The following NLRP9 variants were observed in gnomAD, a reference collection of about 807,000 sequenced individuals.
NLRP9 encodes the protein NLR family pyrin domain containing 9.
In NLRP9, 88 loss-of-function variants were observed where a neutral mutation model predicts 83.1. The observed-to-expected ratio is 1.06, with a 90% CI of 0.89 to 1.26. The LOEUF is 1.26. Among genes scored for constraint, NLRP9 ranks in the 50% most tolerant of loss-of-function variants. NLRP9 has a pLI of 0.00. For synonymous variants in NLRP9, 521 were observed against 447.6 expected, an observed-to-expected ratio of 1.16 and a Z score of -2.07; for missense variants, 1,308 against 1,179.3, an observed-to-expected ratio of 1.11 and a Z score of -1.60.
intron 6 of NLRP9, among the ~76,000 whole-genome samples, chr19:55,714,756 G>A (rs112176464): frequency 0.035 from 5,320 of 152,130 alleles, 245 homozygotes; most frequent in African/African-American, 0.1. Context: ...AGTGTCTGGC[G>A]AGGGCCACGT....
rs1348388301 is a variant in NLRP9 at position 55,734,508 on chromosome 19, CAT to C, written c.281-960_281-959del. Among the ~76,000 whole-genome samples the C allele has an allele frequency of 1.6e-4, 20 of 127,514 alleles. 1 individual carries two copies. In the South Asian group the frequency reaches 2.4e-3, roughly 16 times the overall value. The allele number at this position is 127,514 out of a possible 152,430, so 83.7% of individuals were successfully genotyped here. A position where few individuals can be genotyped will look rare whatever the true frequency, so the allele number is the denominator to read the frequency against. On this transcript the variant is annotated intron_variant, in intron 1 of 8. Coordinates refer to ENST00000332836, the MANE Select transcript of NLRP9 (RefSeq NM_176820.4). ...GCAGGTCACCTGTCAGCAAAGTACA[CAT>C]ATATATACACACACACATATATATA... is the stretch of plus-strand genomic sequence containing the variant.
chr19:55,710,455 C>G (rs1987665805), intron 8 of NLRP9, among the ~76,000 whole-genome samples: 1 of 152,064 alleles, frequency 6.6e-6, no homozygotes, highest in African/African-American at 2.4e-5. Context: ...ATCTGTGTCC[C>G]CACCCAAATC....
intron 5 of NLRP9, 36 bp downstream of exon 5, chr19:55,716,692 G>C: frequency 6.3e-7 from 1 of 1,587,928 alleles, no homozygotes; most frequent in Non-Finnish European, 8.6e-7. Context: ...GCACGCTTCA[G>C]AAATCTCCGA....
intron 2 of NLRP9, 26 bp from the exon 3 acceptor site, chr19:55,730,018 C>G: frequency 6.3e-7 from 1 of 1,599,092 alleles, no homozygotes; most frequent in African/African-American, 1.3e-5. Flanking sequence ...GATTGTGATT[C>G]TCCAGTGGCT....
Position 55,732,047 on chromosome 19 carries a change from C to T in NLRP9, c.1784G>A (p.Arg595His), listed in dbSNP as rs186421191. 129 of 1,599,142 alleles carry T rather than the reference C, an allele frequency of 8.1e-5. No individual in the cohort carries two copies. In the East Asian group the frequency reaches 2.2e-3, roughly 27 times the overall value. The change falls in exon 2 of 9, where the codon CGC (arginine) becomes CAC (histidine). Residue 595 changes from arginine to histidine, a missense_variant. Transcript: ENST00000332836. Reference sequence around the variant, plus strand: ...TGGAAAGATATTCTCCACACACATGCGAAGTGTCGTTAAATGTTGACAATG... The same window carrying T: ...TGGAAAGATATTCTCCACACACATGTGAAGTGTCGTTAAATGTTGACAATG... ...LKHCQHLTTL[R>H]MCVENIFPDD...
intron 6 of NLRP9, among the ~76,000 whole-genome samples, chr19:55,713,617 CCT>C (rs1373131996): frequency 7.5e-6 from 1 of 133,700 alleles, no homozygotes; most frequent in Non-Finnish European, 1.6e-5. Flanking sequence ...CTCCCCTCTC[CCT>C]CTTACTCCCC....
At chr19:55,726,550 C>T (rs74707682) in intron 3 of NLRP9, among the ~76,000 whole-genome samples, 3,250 of 152,292 alleles carry the variant, frequency 0.021, 47 homozygotes, top group Non-Finnish European at 0.032. Flanking sequence ...GTCTGCCCTA[C>T]AACCCAAGGA....
chr19:55,711,810 G>A lies in NLRP9; in HGVS notation c.2833C>T (p.Gln945Ter). The stretch of plus-strand genomic sequence containing the variant: ...ACAGTGTCCACTCACCCCAGCATCT[G>A]CAGGGCACAGTCCGGGTGGCTCAAT... The part of the protein sequence containing the change: ...EALSHPDCAL[Q>*]MLGLHKSGFD... The change falls in exon 8 of 9, where the codon CAG becomes TAG. Residue 945 changes from glutamine to a stop codon, truncating the protein, a stop_gained. Coordinates refer to ENST00000332836, the MANE Select transcript of NLRP9 (RefSeq NM_176820.4). LOFTEE classifies it low-confidence loss of function (END_TRUNC). The A allele has an allele frequency of 1.2e-6, 2 of 1,613,146 alleles. No homozygotes were observed. Among genetic ancestry groups the A allele is most frequent in the Non-Finnish European group, 1.7e-6 (2 of 1,179,834 alleles).
At chr19:55,729,050 CTTTTTTTTTTTTTTTTTTT>C (rs374589373) in intron 3 of NLRP9, among the ~76,000 whole-genome samples, 1 of 70,202 alleles carries the variant, frequency 1.4e-5, no homozygotes. Context: ...TTTTCTTTTT[CTTTTTTTTTTTTTTTTTTT>C]TTTTACAAAT....
chr19:55,715,996 G>T (rs746545248), intron 5 of NLRP9, among the ~76,000 whole-genome samples: 3 of 152,208 alleles, frequency 2.0e-5, no homozygotes, highest in Non-Finnish European at 4.4e-5. Context: ...AATGATGTCA[G>T]ATGATGAGTA....
chr19:55,712,632 T>A, intron 6 of NLRP9, 42 bp from the exon 7 acceptor site: 1 of 1,538,776 alleles, frequency 6.5e-7, no homozygotes, highest in Non-Finnish European at 8.9e-7. Flanking sequence ...ACTTATGAGG[T>A]CAATCATAAC....
At chr19:55,736,359 C>G (rs578078040) in intron 1 of NLRP9, among the ~76,000 whole-genome samples, 2 of 152,218 alleles carry the variant, frequency 1.3e-5, no homozygotes, top group South Asian at 4.1e-4. Context: ...CCACTGCACT[C>G]CAGCCTGGGC....
At chr19:55,716,379 C>T (rs1464830184) in intron 5 of NLRP9, among the ~76,000 whole-genome samples, 1 of 151,754 alleles carries the variant, frequency 6.6e-6, no homozygotes, top group Non-Finnish European at 1.5e-5. Context: ...CTGCCTCAGC[C>T]TCCCGAGTAG....
At chr19:55,717,968 AG>A (rs1988084628) in intron 4 of NLRP9, among the ~76,000 whole-genome samples, 1 of 152,234 alleles carries the variant, frequency 6.6e-6, no homozygotes, top group Non-Finnish European at 1.5e-5. Context: ...GGAAGACATA[AG>A]AAACTCCACT....
chr19:55,734,274 G>C (rs1262524604), intron 1 of NLRP9, among the ~76,000 whole-genome samples: 1 of 138,250 alleles, frequency 7.2e-6, no homozygotes, highest in Non-Finnish European at 1.5e-5. Context: ...TGAGGCACAA[G>C]AATTGCTTGA....
intron 3 of NLRP9, among the ~76,000 whole-genome samples, chr19:55,725,287 T>C (rs914094748): frequency 6.6e-6 from 1 of 152,192 alleles, no homozygotes; most frequent in African/African-American, 2.4e-5. Context: ...ATATATAATA[T>C]GTATTTATTA....
Position 55,716,789 on chromosome 19 carries a change from C to T in NLRP9, c.2269G>A (p.Glu757Lys), listed in dbSNP as rs766285653. ...GCTTCACACAGCAACGTCATTCCTT[C>T]GTCCCTCAAGGGATTTTCTACCAAG... ...LSLVENPLRD[E>K]GMTLLCEALK... The change falls in exon 5 of 9, where the codon GAA becomes AAA. Residue 757 changes from glutamate to lysine, a missense_variant. Coordinates refer to ENST00000332836, the MANE Select transcript of NLRP9 (RefSeq NM_176820.4). The T allele has an allele frequency of 8.7e-6, 14 of 1,613,884 alleles. No homozygotes were observed. In the Admixed American group the frequency reaches 1.0e-4, roughly 12 times the overall value.
At chr19:55,711,119 C>A (rs1275615392) in intron 8 of NLRP9, among the ~76,000 whole-genome samples, 5 of 134,602 alleles carry the variant, frequency 3.7e-5, no homozygotes, top group African/African-American at 1.5e-4. Flanking sequence ...AAAAAAAAAA[C>A]CTTAAACAAC....
At position 55,732,631 on chromosome 19, in the gene NLRP9, T is replaced by C. The variant is rs749970699; in HGVS notation, c.1200A>G (p.Ala400=). 3 of 1,614,220 alleles carry C rather than the reference T, an allele frequency of 1.9e-6. No homozygotes were observed. Among genetic ancestry groups the C allele is most frequent in the Non-Finnish European group, 2.5e-6 (3 of 1,180,042 alleles). The part of the protein sequence containing the change: ...ARLKSLCALA[A]EGIWTYTFVF... ...CAAATGTATATGTCCAAATTCCCTCTGCAGCCAAAGCACACAGGCTTTTTA... is the reference window on the plus strand; with the variant it reads ...CAAATGTATATGTCCAAATTCCCTCCGCAGCCAAAGCACACAGGCTTTTTA... The change falls in exon 2 of 9, where the codon GCA becomes GCG. Residue 400 remains alanine, a synonymous_variant. Coordinates refer to ENST00000332836, the MANE Select transcript of NLRP9 (RefSeq NM_176820.4).
Sources: allele counts gnomAD v4.1 joint callset (sites outside exome capture counted in the v4.1 genomes callset), GRCh38; gene constraint gnomAD v4.1.1; transcripts MANE v1.5; gene names NCBI Gene and HGNC (gene_info 2026-07-23, HGNC 2026-07-21).